SH3RF3: variants seen among roughly 807,000 people sequenced by gnomAD.
The protein encoded by SH3RF3 is SH3 domain containing ring finger 3.
A neutral mutation model predicts 66.3 loss-of-function variants in SH3RF3; 29 were observed. The ratio of observed to expected loss-of-function variants is 0.44; its 90% CI spans 0.33 to 0.60. The LOEUF (loss-of-function observed/expected upper bound fraction) is 0.60. Among genes scored for constraint, SH3RF3 ranks in the 20% least tolerant of loss-of-function variants. The pLI, the probability that SH3RF3 is intolerant of heterozygous loss-of-function variation, is 0.04. For missense variants in SH3RF3, 1,194 were observed against 1,190.9 expected (o/e 1.00, Z -0.04); for synonymous variants, 583 against 532.0 (o/e 1.10, Z -1.32).
intron 7 of SH3RF3, among the ~76,000 whole-genome samples, chr2:109,439,635 A>G (rs1414540028): frequency 2.6e-5 from 4 of 152,152 alleles, no homozygotes; most frequent in Admixed American, 1.3e-4. Context: ...TCCTTTCCCA[A>G]AGGCAGAGCA....
At chr2:109,420,615 T>A (rs905818438) in intron 5 of SH3RF3, among the ~76,000 whole-genome samples, 1 of 151,984 alleles carries the variant, frequency 6.6e-6, no homozygotes, top group Non-Finnish European at 1.5e-5. Context: ...CTGGCTAAAT[T>A]TTTGTATTTT....
intron 6 of SH3RF3, 38 bp downstream of exon 6, chr2:109,432,709 G>T (rs1439090100): frequency 2.5e-6 from 4 of 1,589,536 alleles, no homozygotes; most frequent in East Asian, 2.2e-5. Context: ...CAAGGAGAGG[G>T]CAAGGGCCTG....
chr2:109,129,720 T>C lies in SH3RF3; in HGVS notation c.180T>C (p.Cys60=). 1 of 1,537,790 alleles carries C rather than the reference T, an allele frequency of 6.5e-7. No individual in the cohort carries two copies. The highest frequency in any genetic ancestry group is 1.2e-5 in the South Asian group (1 of 83,194). ...SLLDLLECSV[C]LERLDTTAKV... is the part of the protein sequence containing the mutation. ...TGGACCTGCTGGAGTGCTCCGTGTG[T>C]CTGGAGCGCCTGGACACCACGGCCA... is the stretch of plus-strand genomic sequence containing the variant. Residue 60 remains cysteine, a synonymous_variant, in exon 1 of 10, where the codon TGT becomes TGC. Coordinates refer to ENST00000309415, the MANE Select transcript of SH3RF3 (RefSeq NM_001099289.3).
At chr2:109,498,495 C>T (rs1679308095) in intron 9 of SH3RF3, among the ~76,000 whole-genome samples, 1 of 152,206 alleles carries the variant, frequency 6.6e-6, no homozygotes, top group Non-Finnish European at 1.5e-5. Context: ...TGCCCCAAAG[C>T]CATGGCTTCT....
rs563612066 is a variant in SH3RF3, at chr2:109,474,192, C to T, written c.2149-16413C>T. Among the ~76,000 whole-genome samples, 94 of 152,256 alleles carry T rather than the reference C, an allele frequency of 6.2e-4. 3 individuals are homozygous for T. In the South Asian group the frequency reaches 0.018, roughly 30 times the overall value. ...GTAAGAGCACACACCTGTGTGTGGG[C>T]AGGTGTAAGCCATGCAGTGGCTCTC... On this transcript the variant is annotated intron_variant, in intron 8 of 9. Coordinates refer to ENST00000309415, the MANE Select transcript of SH3RF3 (RefSeq NM_001099289.3).
intron 2 of SH3RF3, among the ~76,000 whole-genome samples, chr2:109,370,244 T>TC (rs1466783544): frequency 6.8e-6 from 1 of 147,122 alleles, no homozygotes; most frequent in Admixed American, 6.7e-5. Context: ...TCTCTCTTTT[T>TC]CTTTTTTTTT....
Position 109,179,927 on chromosome 2 carries a change from G to A in SH3RF3, c.573+49814G>A, listed in dbSNP as rs1445542277. Among the ~76,000 whole-genome samples the A allele has an allele frequency of 8.0e-5, 12 of 150,764 alleles. No individual in the cohort carries two copies. The Admixed American group carries it at 8.0e-4, about 10-fold the overall frequency. On this transcript the variant is annotated intron_variant, in intron 1 of 9. Coordinates refer to ENST00000309415, the MANE Select transcript of SH3RF3 (RefSeq NM_001099289.3). ...AAAAAGTCACTGACGAAAGAACTAG[G>A]GCTATTAAACAAGACAGAGGCTGGA...
intron 1 of SH3RF3, among the ~76,000 whole-genome samples, chr2:109,138,271 C>T (rs944162866): frequency 2.6e-5 from 4 of 152,226 alleles, no homozygotes; most frequent in African/African-American, 9.6e-5. Context: ...TCGTGATCCG[C>T]CCGCCTTGGC....
At chr2:109,492,309 A>G (rs560179210) in intron 9 of SH3RF3, among the ~76,000 whole-genome samples, 3 of 152,344 alleles carry the variant, frequency 2.0e-5, no homozygotes, top group African/African-American at 7.2e-5. Flanking sequence ...CAGCCCTGAC[A>G]GAGATGATGC....
At chr2:109,189,036 C>T (rs914212846) in intron 1 of SH3RF3, among the ~76,000 whole-genome samples, 1 of 152,108 alleles carries the variant, frequency 6.6e-6, no homozygotes, top group African/African-American at 2.4e-5. Context: ...CAGCCCCTTC[C>T]ACCCTCCCAT....
intron 1 of SH3RF3, among the ~76,000 whole-genome samples, chr2:109,277,220 C>G (rs1044079606): frequency 1.3e-5 from 2 of 152,154 alleles, no homozygotes; most frequent in African/African-American, 4.8e-5. Flanking sequence ...CTGGTGTGCC[C>G]TGCATTTCGG....
At chr2:109,266,687 G>A (rs1680504289) in intron 1 of SH3RF3, among the ~76,000 whole-genome samples, 1 of 152,102 alleles carries the variant, frequency 6.6e-6, no homozygotes, top group Non-Finnish European at 1.5e-5. Context: ...CTCAGCCACA[G>A]ATTGGGAAGG....
intron 1 of SH3RF3, among the ~76,000 whole-genome samples, chr2:109,200,050 A>G (rs1033153698): frequency 6.6e-6 from 1 of 152,074 alleles, no homozygotes; most frequent in East Asian, 1.9e-4. Context: ...CCCACAGAGA[A>G]ATGTCACCAG....
intron 1 of SH3RF3, among the ~76,000 whole-genome samples, chr2:109,239,775 G>A (rs1027329040): frequency 6.6e-5 from 10 of 152,210 alleles, no homozygotes; most frequent in African/African-American, 2.4e-4. Flanking sequence ...TGCTGTGGGA[G>A]TCCCTTGTCT....
chr2:109,444,546 CTGGGGTGTGAGAGAAA>C (rs1371359749), intron 7 of SH3RF3, among the ~76,000 whole-genome samples: 2 of 152,176 alleles, frequency 1.3e-5, no homozygotes, highest in Non-Finnish European at 2.9e-5. Flanking sequence ...AAGCCTCCAC[CTGGGGTGTGAGAGAAA>C]GAAGAGAGAG....
intron 1 of SH3RF3, among the ~76,000 whole-genome samples, chr2:109,170,321 C>T (rs1398591304): frequency 7.7e-6 from 1 of 130,288 alleles, no homozygotes. Context: ...TCTCTCCTCT[C>T]TCTCTCTCCT....
chr2:109,236,687 A>C (rs1679657573), intron 1 of SH3RF3, among the ~76,000 whole-genome samples: 1 of 152,212 alleles, frequency 6.6e-6, no homozygotes, highest in Admixed American at 6.5e-5. Context: ...GGTCGAAGAA[A>C]GGAAATCCCA....
intron 1 of SH3RF3, among the ~76,000 whole-genome samples, chr2:109,246,763 C>T (rs1385490828): frequency 6.6e-6 from 1 of 152,208 alleles, no homozygotes; most frequent in Non-Finnish European, 1.5e-5. Context: ...GGAGATGATA[C>T]CTGAGCCTGG....
chr2:109,488,095 C>T (rs1304661346), intron 8 of SH3RF3, among the ~76,000 whole-genome samples: 1 of 152,192 alleles, frequency 6.6e-6, no homozygotes, highest in Admixed American at 6.5e-5. Flanking sequence ...CGGCCAGCAG[C>T]CCCAGAGCCT....
Sources: allele counts gnomAD v4.1 joint callset (sites outside exome capture counted in the v4.1 genomes callset), GRCh38; gene constraint gnomAD v4.1.1; transcripts MANE v1.5; gene names NCBI Gene and HGNC (gene_info 2026-07-23, HGNC 2026-07-21).